FTO: variants seen among roughly 807,000 people sequenced by gnomAD.
The protein encoded by FTO is alpha-ketoglutarate-dependent dioxygenase FTO.
In FTO, 47 loss-of-function variants were observed where a neutral mutation model predicts 63.9. The ratio of observed to expected loss-of-function variants is 0.74; its 90% confidence interval spans 0.58 to 0.94. The LOEUF is 0.94. FTO is among the 40% of genes least tolerant of loss of function. The pLI is 0.00. For synonymous variants in FTO, 207 were observed against 224.4 expected, an observed-to-expected ratio of 0.92 and a Z score of 0.69; for missense variants, 562 against 618.1, an observed-to-expected ratio of 0.91 and a Z score of 0.96.
intron 8 of FTO, among the ~76,000 whole-genome samples, chr16:54,059,894 T>G (rs1204298767): frequency 1.5e-5 from 2 of 135,868 alleles, no homozygotes; most frequent in Non-Finnish European, 3.0e-5. Flanking sequence ...CTATAATTAG[T>G]TTTTTTTTGT....
At chr16:53,756,706 T>C (rs1007708350) in intron 1 of FTO, among the ~76,000 whole-genome samples, 1 of 152,188 alleles carries the variant, frequency 6.6e-6, no homozygotes, top group Non-Finnish European at 1.5e-5. Context: ...TATAGTAAAC[T>C]AAGAGAGAGG....
At chr16:54,019,659 A>G (rs1466747640) in intron 8 of FTO, among the ~76,000 whole-genome samples, 1 of 152,170 alleles carries the variant, frequency 6.6e-6, no homozygotes, top group Non-Finnish European at 1.5e-5. Context: ...TAGGTTTCCT[A>G]TGGGAAAGAA....
In FTO at chr16:53,933,983, A is replaced by G; in HGVS notation, c.1240-2A>G. 6.2e-7 allele frequency: 1 copy of G among 1,613,600 alleles called. No homozygotes were observed. Among genetic ancestry groups the G allele is most frequent in the South Asian group, 1.1e-5 (1 of 91,074 alleles). ...TTCTCTGTTTTGGATCATTTCTTGT[A>G]GACAAATGCTGTGCTTCATGAAGTT... On this transcript the variant is annotated splice_acceptor_variant, in intron 7 of 8. Transcript: ENST00000471389. LOFTEE classifies it high-confidence loss of function.
At chr16:53,851,446 G>A (rs979388613) in intron 4 of FTO, among the ~76,000 whole-genome samples, 1 of 148,982 alleles carries the variant, frequency 6.7e-6, no homozygotes, top group Non-Finnish European at 1.5e-5. Context: ...GCAACAGAGT[G>A]AGACTCCGTC....
Position 54,015,556 on chromosome 16 carries a change from C to T in FTO, c.1364+81447C>T, listed in dbSNP as rs114931091. On this transcript the variant is annotated intron_variant, in intron 8 of 8. Coordinates refer to ENST00000471389, the MANE Select transcript of FTO (RefSeq NM_001080432.3). The stretch of plus-strand genomic sequence containing the variant: ...ATGCCCATGGCAAAAGGAAATAAGA[C>T]GAGTCGTTTTAAAAGGTAGCTTTGA... Among the ~76,000 whole-genome samples, 846 of 152,044 alleles carry T rather than the reference C, an allele frequency of 5.6e-3. 6 individuals carry two copies. The highest frequency in any genetic ancestry group is 0.019 in the African/African-American group (790 of 41,458).
chr16:53,744,834 C>CTT (rs34755534), intron 1 of FTO, among the ~76,000 whole-genome samples: 4 of 150,874 alleles, frequency 2.7e-5, no homozygotes, highest in Middle Eastern at 3.2e-3. Context: ...TTCCCCCCCC[C>CTT]CATATATGAA....
At chr16:53,812,098 C>G (rs1598726670) in intron 2 of FTO, among the ~76,000 whole-genome samples, 1 of 152,052 alleles carries the variant, frequency 6.6e-6, no homozygotes, top group South Asian at 2.1e-4. Flanking sequence ...CAGGCATGAC[C>G]CACCATGCCC....
At chr16:54,099,493 C>T (rs1489583048) in intron 8 of FTO, among the ~76,000 whole-genome samples, 3 of 152,138 alleles carry the variant, frequency 2.0e-5, no homozygotes, top group Non-Finnish European at 2.9e-5. Context: ...TACATATAAT[C>T]GTCCAGCTCA....
At chr16:53,752,952 AG>A (rs1011154115) in intron 1 of FTO, among the ~76,000 whole-genome samples, 11 of 146,248 alleles carry the variant, frequency 7.5e-5, no homozygotes, top group African/African-American at 2.3e-4. Flanking sequence ...TCCTTCGTTG[AG>A]GGCTTTAAAA....
Position 53,899,589 on chromosome 16 carries a change from G to A in FTO, c.1239+10638G>A, listed in dbSNP as rs532436280. The stretch of plus-strand genomic sequence containing the variant: ...ATGCAATAGCTTTTGATGATGGAAG[G>A]CATATTAATATTCATCTTTGCTGCT... On this transcript the variant is annotated intron_variant, in intron 7 of 8. Coordinates refer to ENST00000471389, the MANE Select transcript of FTO (RefSeq NM_001080432.3). Among the ~76,000 whole-genome samples the A allele has an allele frequency of 7.5e-4, 114 of 152,232 alleles. 1 individual carries two copies. Among genetic ancestry groups the A allele is most frequent in the South Asian group, 7.5e-3 (36 of 4,822 alleles).
At chr16:53,804,889 A>G (rs1471168037) in intron 1 of FTO, among the ~76,000 whole-genome samples, 1 of 152,064 alleles carries the variant, frequency 6.6e-6, no homozygotes, top group African/African-American at 2.4e-5. Flanking sequence ...TGCTGGGCTT[A>G]CAGGTGTGAG....
At chr16:53,843,996 C>G (rs2079547506) in intron 3 of FTO, among the ~76,000 whole-genome samples, 159 bp from the exon 4 acceptor site, 1 of 151,920 alleles carries the variant, frequency 6.6e-6, no homozygotes, top group South Asian at 2.1e-4. Flanking sequence ...TTAAAAATAA[C>G]CTAGAATATC....
intron 8 of FTO, among the ~76,000 whole-genome samples, chr16:54,033,404 A>C (rs953110940): frequency 4.6e-5 from 7 of 152,222 alleles, no homozygotes; most frequent in Non-Finnish European, 1.0e-4. Context: ...GGAGAAATGA[A>C]GCAAAAAAAT....
chr16:53,715,177 T>G (rs2075865613), intron 1 of FTO, among the ~76,000 whole-genome samples: 1 of 152,198 alleles, frequency 6.6e-6, no homozygotes, highest in South Asian at 2.1e-4. Flanking sequence ...TGAAAATGGT[T>G]GGCTTTTCCC....
intron 1 of FTO, among the ~76,000 whole-genome samples, chr16:53,727,567 A>AT (rs934956003): frequency 6.6e-6 from 1 of 152,024 alleles, no homozygotes; most frequent in Admixed American, 6.6e-5. Flanking sequence ...AGCAAAAGCC[A>AT]TTTTTTTTCT....
intron 3 of FTO, among the ~76,000 whole-genome samples, chr16:53,834,380 G>C (rs1326153018): frequency 6.6e-6 from 1 of 152,162 alleles, no homozygotes; most frequent in Non-Finnish European, 1.5e-5. Flanking sequence ...CAGTGGAATA[G>C]ACTTTACTGT....
intron 4 of FTO, among the ~76,000 whole-genome samples, chr16:53,861,145 A>G (rs779144691): frequency 2.0e-5 from 3 of 152,166 alleles, no homozygotes; most frequent in African/African-American, 4.8e-5. Flanking sequence ...CTTTGTACAT[A>G]TATCTTTATT....
At chr16:53,923,475 CAATT>C (rs1422561947) in intron 7 of FTO, among the ~76,000 whole-genome samples, 1 of 152,126 alleles carries the variant, frequency 6.6e-6, no homozygotes, top group Non-Finnish European at 1.5e-5. Context: ...ATGTCTTTGG[CAATT>C]AATCATGTAC....
chr16:53,933,957 T>C, intron 7 of FTO, 28 bp from the exon 8 acceptor site: 3 of 1,610,814 alleles, frequency 1.9e-6, no homozygotes, highest in East Asian at 2.2e-5. Context: ...TCACTTTTTC[T>C]TTCTCTGTTT....
Sources: allele counts gnomAD v4.1 joint callset (sites outside exome capture counted in the v4.1 genomes callset), GRCh38; gene constraint gnomAD v4.1.1; transcripts MANE v1.5; gene names NCBI Gene and HGNC (gene_info 2026-07-23, HGNC 2026-07-21).